The following MAN1A2 variants were observed in gnomAD, a reference collection of about 807,000 sequenced individuals.
MAN1A2 encodes mannosyl-oligosaccharide 1,2-alpha-mannosidase IB.
A neutral mutation model predicts 75.7 loss-of-function variants in MAN1A2; 26 were observed. The ratio of observed to expected loss-of-function variants is 0.34; its 90% CI spans 0.25 to 0.48. The LOEUF (loss-of-function observed/expected upper bound fraction) is 0.48. MAN1A2 is among the 20% of genes least tolerant of loss of function. The pLI is 0.99. For synonymous variants in MAN1A2, 247 were observed against 264.6 expected (o/e 0.93, Z 0.65); for missense variants, 562 against 775.5 (o/e 0.72, Z 3.27).
chr1:117,463,519 AC>A (rs1210179208), intron 7 of MAN1A2, among the ~76,000 whole-genome samples: 1 of 9,838 alleles, frequency 1.0e-4, no homozygotes, highest in African/African-American at 4.0e-4. Context: ...ACACACACAT[AC>A]ACACACACAC....
intron 5 of MAN1A2, among the ~76,000 whole-genome samples, chr1:117,422,391 T>G (rs1409131764): frequency 6.6e-6 from 1 of 152,130 alleles, no homozygotes; most frequent in Non-Finnish European, 1.5e-5. Flanking sequence ...TATTTACAGT[T>G]TTGGAGATTG....
chr1:117,507,165 A>G (rs1286988570), intron 12 of MAN1A2, among the ~76,000 whole-genome samples: 1 of 151,600 alleles, frequency 6.6e-6, no homozygotes, highest in Non-Finnish European at 1.5e-5. Flanking sequence ...AGATCCCAGC[A>G]TAGAAGATGA....
intron 12 of MAN1A2, among the ~76,000 whole-genome samples, chr1:117,514,470 G>A (rs564600608): frequency 1.3e-4 from 19 of 151,958 alleles, no homozygotes; most frequent in South Asian, 4.2e-4. Context: ...TGTTATTGTC[G>A]TATCCTCTCA....
intron 7 of MAN1A2, among the ~76,000 whole-genome samples, chr1:117,464,979 A>C (rs1649937977): frequency 6.6e-6 from 1 of 152,220 alleles, no homozygotes; most frequent in Non-Finnish European, 1.5e-5. Flanking sequence ...AATACGTAAA[A>C]GAGCAATTGA....
intron 6 of MAN1A2, among the ~76,000 whole-genome samples, chr1:117,458,522 T>A (rs1267528840): frequency 2.2e-5 from 2 of 90,152 alleles, no homozygotes; most frequent in African/African-American, 9.6e-5. Flanking sequence ...GATATATATA[T>A]ATTTTTTTTT....
intron 8 of MAN1A2, among the ~76,000 whole-genome samples, chr1:117,475,001 A>G (rs1187950990): frequency 6.6e-6 from 1 of 151,962 alleles, no homozygotes; most frequent in African/African-American, 2.4e-5. Context: ...AGATTGATCT[A>G]TGTTGTGTAT....
rs748379271 is a variant in MAN1A2, at chr1:117,379,960, A to G, written c.302+11475A>G. ...TGTTGCTGTGAACATTTGTGCGCCT[A>G]TATTCGTTTTGAGTACCTGTTTTCA... is the stretch of plus-strand genomic sequence containing the variant. On this transcript the variant is annotated intron_variant, in intron 1 of 12. Transcript: ENST00000356554. Among the ~76,000 whole-genome samples the G allele has an allele frequency of 3.5e-4, 53 of 152,148 alleles. No homozygotes were observed. The Middle Eastern group carries it at 0.01, about 29-fold the overall frequency.
chr1:117,453,037 C>G (rs1386635989), intron 6 of MAN1A2, among the ~76,000 whole-genome samples: 1 of 152,180 alleles, frequency 6.6e-6, no homozygotes, highest in African/African-American at 2.4e-5. Flanking sequence ...GTAAGTGGAA[C>G]AACAAAGTTC....
At chr1:117,409,728 A>T (rs1001075297) in intron 3 of MAN1A2, among the ~76,000 whole-genome samples, 1 of 151,996 alleles carries the variant, frequency 6.6e-6, no homozygotes, top group Non-Finnish European at 1.5e-5. Flanking sequence ...ATGTAATTTG[A>T]GGTACTCTTG....
chr1:117,452,382 G>A (rs1557956662), intron 6 of MAN1A2, among the ~76,000 whole-genome samples: 1 of 152,242 alleles, frequency 6.6e-6, no homozygotes, highest in East Asian at 1.9e-4. Flanking sequence ...AGTGAGGAAG[G>A]CATGCCAAAA....
At chr1:117,506,182 T>C (rs1023969894) in intron 12 of MAN1A2, among the ~76,000 whole-genome samples, 1 of 151,552 alleles carries the variant, frequency 6.6e-6, no homozygotes, top group Non-Finnish European at 1.5e-5. Context: ...ATAGGCTTTG[T>C]CAGAAGCTGT....
rs752142650 is a variant in MAN1A2 at position 117,420,643 on chromosome 1, A to AGAG, written c.854_855+1dup. 3 of 1,611,318 alleles carry AGAG rather than the reference A, an allele frequency of 1.9e-6. No individual in the cohort carries two copies. The South Asian group carries it at 3.3e-5, about 18-fold the overall frequency. On this transcript the variant is annotated inframe_insertion, in exon 5 of 13. Coordinates refer to ENST00000356554, the MANE Select transcript of MAN1A2 (RefSeq NM_006699.5). ...TACTTGCAGCATATTACCTATCAGG[A>AGAG]GAGGAGGTGAGCAAAATCAAGCAAT...
intron 8 of MAN1A2, among the ~76,000 whole-genome samples, chr1:117,489,934 G>A (rs776324938): frequency 6.6e-5 from 10 of 150,692 alleles, no homozygotes; most frequent in Non-Finnish European, 1.0e-4. Context: ...TATAAGAAAT[G>A]TACTTTTTTT....
At chr1:117,478,181 C>T (rs1406453714) in intron 8 of MAN1A2, among the ~76,000 whole-genome samples, 5 of 151,904 alleles carry the variant, frequency 3.3e-5, no homozygotes, top group South Asian at 2.1e-4. Context: ...AAATGACTAA[C>T]GATGTTGAAC....
chr1:117,498,866 T>G (rs1651112049), intron 10 of MAN1A2, among the ~76,000 whole-genome samples: 2 of 151,922 alleles, frequency 1.3e-5, no homozygotes, highest in Admixed American at 1.3e-4. Context: ...CCATTCATTT[T>G]TCCTTAGTAG....
chr1:117,450,015 GC>G (rs1649355568), intron 6 of MAN1A2, among the ~76,000 whole-genome samples: 1 of 152,206 alleles, frequency 6.6e-6, no homozygotes. Context: ...CTGAAAAGAT[GC>G]CTGAAAATGT....
intron 9 of MAN1A2, 22 bp from the exon 10 acceptor site, chr1:117,496,741 G>A (rs1234205476): frequency 6.4e-7 from 1 of 1,554,940 alleles, no homozygotes; most frequent in Non-Finnish European, 8.8e-7. Context: ...CTAAAATTTT[G>A]AATATCTTTT....
chr1:117,466,545 G>A (rs1257216763), intron 8 of MAN1A2, 118 bp downstream of exon 8: 5 of 584,730 alleles, frequency 8.6e-6, no homozygotes, highest in Non-Finnish European at 1.2e-5. Flanking sequence ...CTAACCTTGT[G>A]GTCTGCTGGT....
At chr1:117,503,911 C>G (rs1651275217) in intron 12 of MAN1A2, among the ~76,000 whole-genome samples, 1 of 151,420 alleles carries the variant, frequency 6.6e-6, no homozygotes, top group African/African-American at 2.4e-5. Context: ...TGTTGTTTTC[C>G]TATCTTTTTA....
Sources: gnomAD v4.1 joint callset for allele counts (sites outside exome capture counted in the v4.1 genomes callset) on GRCh38, gnomAD v4.1.1 for gene constraint, MANE v1.5 for transcripts, NCBI Gene and HGNC (gene_info 2026-07-23, HGNC 2026-07-21) for gene names.